Variants in ADD3 observed in about 807,000 individuals in gnomAD.
ADD3 encodes gamma-adducin.
A neutral mutation model predicts 80.2 loss-of-function variants in ADD3; 25 were observed. That is an observed-to-expected ratio of 0.31 (90% CI 0.23 to 0.44). ADD3 has a LOEUF of 0.44. Among genes scored for constraint, ADD3 ranks in the 20% least tolerant of loss-of-function variants. The probability of loss-of-function intolerance (pLI) is 1.00; values close to 1 mark genes in which losing one functional copy is unlikely to be tolerated. For missense variants in ADD3, 829 were observed against 847.5 expected, an observed-to-expected ratio of 0.98 and a Z score of 0.27; for synonymous variants, 284 against 289.6, an observed-to-expected ratio of 0.98 and a Z score of 0.20.
chr10:110,108,063 T>C, intron 2 of ADD3, among the ~76,000 whole-genome samples: 1 of 152,130 alleles, frequency 6.6e-6, no homozygotes, highest in East Asian at 1.9e-4. Context: ...CCAGTTCTTC[T>C]CTAGTGGAGA....
chr10:110,039,039 C>A (rs1180055539), intron 1 of ADD3, among the ~76,000 whole-genome samples: 1 of 152,240 alleles, frequency 6.6e-6, no homozygotes, highest in African/African-American at 2.4e-5. Context: ...TCTGTGTTGG[C>A]AGATTTGTGG....
Position 110,133,618 on chromosome 10 carries a change from A to G in ADD3, c.2121A>G (p.Ter707=). 6.4e-7 allele frequency: 1 copy of G among 1,564,538 alleles called. No individual in the cohort carries two copies. Among genetic ancestry groups the G allele is most frequent in the Non-Finnish European group, 8.6e-7 (1 of 1,161,666 alleles). Residue 707 remains the stop codon, a stop_retained_variant, in exon 15 of 15, where the codon TAA becomes TAG. Coordinates refer to ENST00000356080, the MANE Select transcript of ADD3 (RefSeq NM_016824.5). The part of the protein sequence containing the change: ...KNKKKEKVEA[*] ...AAAAAAAGGAGAAAGTTGAGGCCTA[A>G]ATAAAGTCTTTTTATAATTATTATT...
intron 1 of ADD3, among the ~76,000 whole-genome samples, chr10:110,059,350 T>G (rs1858592420): frequency 1.3e-5 from 2 of 152,192 alleles, no homozygotes; most frequent in Admixed American, 1.3e-4. Context: ...CGCATGCCTG[T>G]AATCCCAGCT....
chr10:110,128,037 C>A (rs1391457247), intron 12 of ADD3, among the ~76,000 whole-genome samples: 1 of 147,890 alleles, frequency 6.8e-6, no homozygotes, highest in Admixed American at 6.8e-5. Context: ...AATTCCTGAA[C>A]CTTTGTTTAG....
intron 1 of ADD3, among the ~76,000 whole-genome samples, chr10:110,067,335 T>C (rs906574675): frequency 6.6e-6 from 1 of 152,206 alleles, no homozygotes; most frequent in Non-Finnish European, 1.5e-5. Context: ...ATACAATAAA[T>C]GTATATTATG....
chr10:110,025,624 A>G (rs1589768726), intron 1 of ADD3, among the ~76,000 whole-genome samples: 1 of 152,204 alleles, frequency 6.6e-6, no homozygotes, highest in African/African-American at 2.4e-5. Flanking sequence ...AATTGTGGAA[A>G]CCTTACTTCA....
At chr10:110,070,194 GTAGTATATCTA>G (rs1410458590) in intron 1 of ADD3, among the ~76,000 whole-genome samples, 1 of 151,934 alleles carries the variant, frequency 6.6e-6, no homozygotes, top group Non-Finnish European at 1.5e-5. Flanking sequence ...TAGTATATCT[GTAGTATATCTA>G]TTATAATAAC....
chr10:110,028,767 A>G (rs1212891696), intron 1 of ADD3, among the ~76,000 whole-genome samples: 1 of 152,164 alleles, frequency 6.6e-6, no homozygotes, highest in African/African-American at 2.4e-5. Flanking sequence ...TTTTATTTCC[A>G]TGTACTTATA....
intron 1 of ADD3, among the ~76,000 whole-genome samples, chr10:110,070,747 G>C (rs961531334): frequency 2.5e-4 from 38 of 152,154 alleles, no homozygotes; most frequent in African/African-American, 8.7e-4. Flanking sequence ...ATAAAGATTG[G>C]GGGGTAGGGG....
At chr10:110,054,701 A>G (rs568240142) in intron 1 of ADD3, among the ~76,000 whole-genome samples, 1 of 146,524 alleles carries the variant, frequency 6.8e-6, no homozygotes, top group Admixed American at 6.9e-5. Flanking sequence ...CAAGCTCTGC[A>G]CCCCTGGGTT....
intron 1 of ADD3, among the ~76,000 whole-genome samples, chr10:110,040,988 G>C (rs1020637280): frequency 2.2e-4 from 33 of 147,838 alleles, no homozygotes; most frequent in African/African-American, 8.3e-4. Context: ...CTCTCTCTCC[G>C]TGTGTCTGTC....
At position 110,130,386 on chromosome 10, in the gene ADD3, T is replaced by A; in HGVS notation, c.1632T>A (p.Asp544Glu). The A allele has an allele frequency of 6.2e-7, 1 of 1,613,952 alleles. No homozygotes were observed. The highest frequency in any genetic ancestry group is 1.6e-4 in the Middle Eastern group (1 of 6,062). The change falls in exon 13 of 15, where the codon GAT (aspartate) becomes GAA (glutamate). Residue 544 changes from aspartate (D) to glutamate (E), a missense_variant. By Grantham distance (45) the Asp-to-Glu change is conservative. Transcript: ENST00000356080. ...PPSTMQFEDD[D>E]HGPPAPPNPF... is the part of the protein sequence containing the mutation. ...AGACTATGCAATTTGAAGATGATGATCATGGCCCACCAGCTCCTCCTAACC... is the reference window on the plus strand; with the variant it reads ...AGACTATGCAATTTGAAGATGATGAACATGGCCCACCAGCTCCTCCTAACC...
intron 1 of ADD3, among the ~76,000 whole-genome samples, chr10:110,083,145 A>G (rs897529622): frequency 1.3e-5 from 2 of 152,256 alleles, no homozygotes; most frequent in Non-Finnish European, 2.9e-5. Flanking sequence ...AATACAGACT[A>G]TGACAAAGTG....
intron 1 of ADD3, among the ~76,000 whole-genome samples, chr10:110,048,767 A>G (rs1406788460): frequency 6.6e-6 from 1 of 152,200 alleles, no homozygotes; most frequent in Non-Finnish European, 1.5e-5. Flanking sequence ...TGAAAGGGAA[A>G]TAGAGCATAA....
intron 1 of ADD3, among the ~76,000 whole-genome samples, chr10:110,071,961 T>C (rs568190154): frequency 5.9e-5 from 9 of 152,270 alleles, no homozygotes; most frequent in Non-Finnish European, 1.3e-4. Flanking sequence ...GCCTTTTCTA[T>C]AATTCTTCCT....
intron 4 of ADD3, 113 bp from the exon 5 acceptor site, chr10:110,117,229 G>T (rs1020664492): frequency 1.5e-5 from 8 of 537,538 alleles, no homozygotes; most frequent in East Asian, 6.5e-5. Context: ...TGCTTTGTTG[G>T]TTTTTTTTTT....
intron 1 of ADD3, among the ~76,000 whole-genome samples, chr10:110,067,406 G>A (rs1021418776): frequency 6.6e-6 from 1 of 152,040 alleles, no homozygotes; most frequent in Non-Finnish European, 1.5e-5. Context: ...TGCTAACTTG[G>A]GCCTTCTTTC....
chr10:110,064,423 T>C (rs531634907), intron 1 of ADD3, among the ~76,000 whole-genome samples: 2 of 152,332 alleles, frequency 1.3e-5, no homozygotes, highest in South Asian at 2.1e-4. Context: ...GTTTTCATTT[T>C]AGCCACACTG....
At chr10:110,029,817 C>A (rs569163182) in intron 1 of ADD3, among the ~76,000 whole-genome samples, 78 of 152,286 alleles carry the variant, frequency 5.1e-4, no homozygotes, top group African/African-American at 1.9e-3. Flanking sequence ...ACAAACTTAA[C>A]TAAAGGTATG....
Sources: allele counts gnomAD v4.1 joint callset (sites outside exome capture counted in the v4.1 genomes callset), GRCh38; gene constraint gnomAD v4.1.1; transcripts MANE v1.5; gene names NCBI Gene and HGNC (gene_info 2026-07-23, HGNC 2026-07-21).